The following RNF150 variants were observed in gnomAD, a reference collection of about 807,000 sequenced individuals.
RNF150 encodes ring finger protein 150.
In RNF150, 24 loss-of-function variants were observed where a neutral mutation model predicts 39.3. The ratio of observed to expected loss-of-function variants is 0.61; its 90% CI spans 0.44 to 0.86. The LOEUF (loss-of-function observed/expected upper bound fraction) is 0.86. Among genes scored for constraint, RNF150 ranks in the 40% least tolerant of loss-of-function variants. RNF150 has a pLI of 0.00. For missense variants in RNF150, 502 were observed against 587.8 expected, an observed-to-expected ratio of 0.85 and a Z score of 1.51; for synonymous variants, 255 against 227.3, an observed-to-expected ratio of 1.12 and a Z score of -1.10.
At position 140,899,461 on chromosome 4, in the gene RNF150, G is replaced by A. The variant is rs148648791; in HGVS notation, c.1198+11683C>T. Among the ~76,000 whole-genome samples the A allele has an allele frequency of 5.3e-3, 804 of 152,258 alleles. 5 individuals carry two copies. Among genetic ancestry groups the A allele is most frequent in the African/African-American group, 0.018 (768 of 41,548 alleles). ...TGATACCTCTGCCTAGAATAATCCT[G>A]GAAATTCCTAGACATCTAATTCTAC... On this transcript the variant is annotated intron_variant, in intron 6 of 6. Coordinates refer to ENST00000515673, the MANE Select transcript of RNF150 (RefSeq NM_020724.2).
At chr4:140,940,219 G>C (rs1732029803) in intron 4 of RNF150, among the ~76,000 whole-genome samples, 1 of 152,066 alleles carries the variant, frequency 6.6e-6, no homozygotes, top group Non-Finnish European at 1.5e-5. Context: ...AGTTATCTTT[G>C]CTTGGAATGT....
At chr4:140,963,540 A>T (rs1028070091) in intron 2 of RNF150, among the ~76,000 whole-genome samples, 6 of 136,620 alleles carry the variant, frequency 4.4e-5, no homozygotes, top group African/African-American at 1.5e-4. Flanking sequence ...ACAGCTCTAG[A>T]TCACAGAAAA....
At chr4:141,161,284 C>T (rs1727507877) in intron 1 of RNF150, among the ~76,000 whole-genome samples, 1 of 152,150 alleles carries the variant, frequency 6.6e-6, no homozygotes, top group Non-Finnish European at 1.5e-5. Flanking sequence ...GAACTTTGAA[C>T]TGGAGAGTGA....
upstream of RNF150, among the ~76,000 whole-genome samples, chr4:141,138,062 A>T (rs1298889197): frequency 1.3e-5 from 2 of 152,198 alleles, no homozygotes; most frequent in Non-Finnish European, 2.9e-5. Flanking sequence ...CAGCAAATTG[A>T]ACTTTCTTTA....
At chr4:141,067,640 T>C (rs1737514294) in intron 1 of RNF150, among the ~76,000 whole-genome samples, 1 of 152,182 alleles carries the variant, frequency 6.6e-6, no homozygotes, top group Non-Finnish European at 1.5e-5. Context: ...ATGATCTACA[T>C]TGGTTTTCTC....
At chr4:141,000,060 A>AAGG in intron 1 of RNF150, among the ~76,000 whole-genome samples, 1 of 94,478 alleles carries the variant, frequency 1.1e-5, no homozygotes, top group South Asian at 3.8e-4. Context: ...GAAGAAGAAG[A>AAGG]AGAAGAAGAA....
intron 1 of RNF150, among the ~76,000 whole-genome samples, chr4:141,103,244 A>G (rs1739077851): frequency 6.6e-6 from 1 of 152,202 alleles, no homozygotes; most frequent in African/African-American, 2.4e-5. Context: ...CATCTGCACA[A>G]TTGAGGAAAA....
intron 6 of RNF150, among the ~76,000 whole-genome samples, chr4:140,872,662 C>T (rs1012219766): frequency 6.6e-6 from 1 of 152,182 alleles, no homozygotes; most frequent in Non-Finnish European, 1.5e-5. Flanking sequence ...AAATGATGGA[C>T]TAGCCAAGGG....
chr4:141,146,112 C>T (rs1327408674), intron 1 of RNF150, among the ~76,000 whole-genome samples: 2 of 152,176 alleles, frequency 1.3e-5, no homozygotes, highest in African/African-American at 2.4e-5. Flanking sequence ...GTGATCTAAC[C>T]AACAATGAGA....
chr4:140,945,299 T>C (rs1489645823), intron 4 of RNF150, among the ~76,000 whole-genome samples: 1 of 152,052 alleles, frequency 6.6e-6, no homozygotes, highest in Non-Finnish European at 1.5e-5. Context: ...AAATGCTATT[T>C]TTTTGTTAAT....
intron 1 of RNF150, among the ~76,000 whole-genome samples, chr4:141,024,797 A>G (rs1735630241): frequency 6.6e-6 from 1 of 152,174 alleles, no homozygotes; most frequent in Non-Finnish European, 1.5e-5. Context: ...GCTAACATAA[A>G]GATATAAGAT....
At chr4:141,023,726 T>C (rs1735587569) in intron 1 of RNF150, among the ~76,000 whole-genome samples, 2 of 152,192 alleles carry the variant, frequency 1.3e-5, no homozygotes, top group South Asian at 2.1e-4. Flanking sequence ...GCTCAACTGC[T>C]AGATACAGCT....
intron 1 of RNF150, among the ~76,000 whole-genome samples, chr4:141,128,593 T>A (rs1220714108): frequency 6.6e-6 from 1 of 152,184 alleles, no homozygotes; most frequent in Non-Finnish European, 1.5e-5. Context: ...CTTCTGGGGC[T>A]TTTACTACTT....
chr4:141,203,869 G>T (rs1449244065), intron 1 of RNF150, among the ~76,000 whole-genome samples: 1 of 148,156 alleles, frequency 6.7e-6, no homozygotes, highest in Non-Finnish European at 1.5e-5. Context: ...GCACAGTGAA[G>T]AAAAAAAAAA....
chr4:140,924,236 T>G (rs1216797569), intron 5 of RNF150, among the ~76,000 whole-genome samples: 1 of 152,196 alleles, frequency 6.6e-6, no homozygotes, highest in East Asian at 1.9e-4. Context: ...ATGGCCAGAA[T>G]GCCCAAATGC....
At chr4:141,070,219 C>T (rs1193979492) in intron 1 of RNF150, among the ~76,000 whole-genome samples, 1 of 152,162 alleles carries the variant, frequency 6.6e-6, no homozygotes, top group East Asian at 1.9e-4. Context: ...ACACCTTATA[C>T]AAAAATCAAT....
At chr4:141,123,928 C>A (rs1726683705) in intron 1 of RNF150, among the ~76,000 whole-genome samples, 1 of 152,184 alleles carries the variant, frequency 6.6e-6, no homozygotes, top group Admixed American at 6.5e-5. Flanking sequence ...GTATGTGCCA[C>A]ATTTTCTTAA....
intron 1 of RNF150, among the ~76,000 whole-genome samples, chr4:140,981,296 C>T (rs142629985): frequency 1.1e-3 from 165 of 152,090 alleles, no homozygotes; most frequent in African/African-American, 3.7e-3. Flanking sequence ...GACATCTTGG[C>T]GATAGAACCC....
At chr4:141,040,028 G>T (rs902733454) in intron 1 of RNF150, among the ~76,000 whole-genome samples, 1 of 152,050 alleles carries the variant, frequency 6.6e-6, no homozygotes, top group Non-Finnish European at 1.5e-5. Context: ...AGAGAAGCCC[G>T]CTCCTTTTTC....
Sources: gnomAD v4.1 joint callset for allele counts (sites outside exome capture counted in the v4.1 genomes callset) on GRCh38, gnomAD v4.1.1 for gene constraint, MANE v1.5 for transcripts, NCBI Gene and HGNC (gene_info 2026-07-23, HGNC 2026-07-21) for gene names.